PARD6G: variants seen among roughly 807,000 people sequenced by gnomAD.
PARD6G encodes partitioning defective 6 homolog gamma.
In PARD6G, 7 loss-of-function variants were observed where a neutral mutation model predicts 10.7. The observed-to-expected ratio is 0.66, with a 90% CI of 0.37 to 1.23. The LOEUF is 1.23. Among genes scored for constraint, PARD6G ranks in the 50% most tolerant of loss-of-function variants. The pLI is 0.02. For missense variants in PARD6G, 548 were observed against 571.8 expected, an observed-to-expected ratio of 0.96 and a Z score of 0.42; for synonymous variants, 287 against 269.4, an observed-to-expected ratio of 1.07 and a Z score of -0.64.
chr18:80,241,765 G>T (rs1162800580), intron 1 of PARD6G, among the ~76,000 whole-genome samples: 1 of 152,116 alleles, frequency 6.6e-6, no homozygotes, highest in Non-Finnish European at 1.5e-5. Context: ...AGAGGAAGTG[G>T]ATTTGACATG....
At chr18:80,186,142 T>C (rs2052875364) in intron 2 of PARD6G, among the ~76,000 whole-genome samples, 1 of 117,188 alleles carries the variant, frequency 8.5e-6, no homozygotes, top group Non-Finnish European at 1.7e-5. Context: ...GCGTATACCC[T>C]CACGCGGGCT....
intron 2 of PARD6G, among the ~76,000 whole-genome samples, chr18:80,167,679 G>A (rs1374180014): frequency 6.6e-6 from 1 of 152,088 alleles, no homozygotes; most frequent in African/African-American, 2.4e-5. Context: ...ACGTAGGGAG[G>A]ACGACCATGG....
chr18:80,159,468 T>C lies in PARD6G; in HGVS notation c.*303A>G, dbSNP rs1051469159. 3.3e-5 allele frequency: 10 copies of C among 300,150 alleles called. No individual in the cohort carries two copies. Among genetic ancestry groups the C allele is most frequent in the African/African-American group, 2.2e-4 (10 of 45,986 alleles). The allele number at this position is 300,150 out of a possible 1,614,324, so 18.6% of individuals were successfully genotyped here. ...AAGCTTCACTTTAAAAACAAAGTAT[T>C]TGTAAAAATTTTAAAAAGCATTTTT... On this transcript the variant is annotated 3_prime_UTR_variant, in exon 3 of 3. Coordinates refer to ENST00000353265, the MANE Select transcript of PARD6G (RefSeq NM_032510.4).
chr18:80,226,364 T>G (rs1967292773), intron 1 of PARD6G, among the ~76,000 whole-genome samples: 1 of 151,716 alleles, frequency 6.6e-6, no homozygotes, highest in Non-Finnish European at 1.5e-5. Flanking sequence ...GAGACGGGGG[T>G]TCCTCCATGT....
chr18:80,221,650 G>A (rs1179443975), intron 1 of PARD6G, among the ~76,000 whole-genome samples: 1 of 151,998 alleles, frequency 6.6e-6, no homozygotes, highest in Non-Finnish European at 1.5e-5. Context: ...AACAAAACAA[G>A]AATGTCTACT....
intron 2 of PARD6G, among the ~76,000 whole-genome samples, chr18:80,193,331 TTC>T (rs1568433871): frequency 1.3e-5 from 2 of 152,142 alleles, no homozygotes; most frequent in Non-Finnish European, 1.5e-5. Context: ...CAAGGGAAAA[TTC>T]TTTCATGCTT....
rs982281899 is a variant in PARD6G at position 80,180,999 on chromosome 18, T to A, written c.296-20393A>T. Reference sequence around the variant, plus strand: ...CAGTGCTGAGGGTAAGAACCCGGCCTCACACGCACGTTTCCAGCGGGCTGG... The same window carrying A: ...CAGTGCTGAGGGTAAGAACCCGGCCACACACGCACGTTTCCAGCGGGCTGG... On this transcript the variant is annotated intron_variant, in intron 2 of 2. Coordinates refer to ENST00000353265, the MANE Select transcript of PARD6G (RefSeq NM_032510.4). This position sits in a 1 kb window ranked among gnomAD's most constrained non-coding sequence, Gnocchi z 5.6. 1.3e-5 allele frequency among the ~76,000 whole-genome samples: 2 copies of A among 152,196 alleles called. No homozygotes were observed. The highest frequency in any genetic ancestry group is 2.9e-5 in the Non-Finnish European group (2 of 68,022).
rs1334511881 is a variant in PARD6G, at chr18:80,246,566, G to A, written c.72+711C>T. ...CTGAGCCGGGGGCGCGCCCGGGGGA[G>A]TGGGCTGGGTCTGGGGCGGGGGCGC... On this transcript the variant is annotated intron_variant, in intron 1 of 2. Transcript: ENST00000353265. The surrounding 1 kb of genome is among the most constrained non-coding windows in gnomAD (Gnocchi z 6.7). 6.8e-6 allele frequency among the ~76,000 whole-genome samples: 1 copy of A among 147,780 alleles called. No homozygotes were observed. Among genetic ancestry groups the A allele is most frequent in the African/African-American group, 2.5e-5 (1 of 40,062 alleles).
rs537501085 is a variant in PARD6G at position 80,157,407 on chromosome 18, G to A, written c.*2364C>T. On this transcript the variant is annotated 3_prime_UTR_variant, in exon 3 of 3. Coordinates refer to ENST00000353265, the MANE Select transcript of PARD6G (RefSeq NM_032510.4). ...TCTAAGCAGTAATTCCTAAAATTAT[G>A]AATAGCACACAAATCTCAGTGAAAG... The A allele has an allele frequency of 6.6e-6, 1 of 152,022 alleles. No individual in the cohort carries two copies. The highest frequency in any genetic ancestry group is 1.9e-4 in the East Asian group (1 of 5,178). The allele number at this position is 152,022 out of a possible 1,614,324, so 9.4% of individuals were successfully genotyped here. A position where few individuals can be genotyped will look rare whatever the true frequency, so the allele number is the denominator to read the frequency against.
At chr18:80,193,095 AC>A (rs1293982528) in intron 2 of PARD6G, among the ~76,000 whole-genome samples, 3 of 152,130 alleles carry the variant, frequency 2.0e-5, no homozygotes, top group Non-Finnish European at 4.4e-5. Context: ...TCGGAGACCC[AC>A]CTGAAGCCCA....
chr18:80,173,006 T>C (rs1175588516), intron 2 of PARD6G, among the ~76,000 whole-genome samples: 1 of 152,186 alleles, frequency 6.6e-6, no homozygotes, highest in Admixed American at 6.5e-5. Context: ...GAAACATAAA[T>C]GTCACCATAT....
At position 80,187,099 on chromosome 18, in the gene PARD6G, G is replaced by GA. The variant is rs1166529542; in HGVS notation, c.295+15610dup. On this transcript the variant is annotated intron_variant, in intron 2 of 2. Coordinates refer to ENST00000353265, the MANE Select transcript of PARD6G (RefSeq NM_032510.4). ...GGGACAGAGTAAGACTCTGTCTCAA[G>GA]AAAAAAAAAAAAAAGAGAAATCAAG... Among the ~76,000 whole-genome samples, 509 of 125,142 alleles carry GA rather than the reference G, an allele frequency of 4.1e-3. 2 individuals carry two copies. The highest frequency in any genetic ancestry group is 6.2e-3 in the African/African-American group (214 of 34,340). 82.1% of individuals were successfully genotyped at this position (125,142 alleles called of 152,430 possible). A position where few individuals can be genotyped will look rare whatever the true frequency, so the allele number is the denominator to read the frequency against.
intron 2 of PARD6G, among the ~76,000 whole-genome samples, chr18:80,177,019 G>A (rs1178840118): frequency 1.9e-5 from 2 of 103,246 alleles, no homozygotes; most frequent in South Asian, 3.5e-4. Context: ...ACGTGCGCGC[G>A]CGCGTGCACA....
chr18:80,194,596 C>G (rs1046955431), intron 2 of PARD6G, among the ~76,000 whole-genome samples: 2 of 152,110 alleles, frequency 1.3e-5, no homozygotes, highest in Non-Finnish European at 2.9e-5. Flanking sequence ...TTCACCCCCC[C>G]GAGATCTTAG....
chr18:80,197,884 C>T (rs925393891), intron 2 of PARD6G, among the ~76,000 whole-genome samples: 9 of 152,172 alleles, frequency 5.9e-5, no homozygotes, highest in African/African-American at 1.9e-4. Flanking sequence ...AACCTAAATA[C>T]GCAGACTCAA....
rs2145280193 is a variant in PARD6G, at chr18:80,201,729, T to C, written c.295+981A>G. On this transcript the variant is annotated intron_variant, in intron 2 of 2. Transcript: ENST00000353265. This position sits in a 1 kb window ranked among gnomAD's most constrained non-coding sequence, Gnocchi z 5.9. Reference sequence around the variant, plus strand: ...GGCAGCACGCTGCTCAGCATCACCCTCACAGAAACTGGATGGGGGTTACTA... The same window carrying C: ...GGCAGCACGCTGCTCAGCATCACCCCCACAGAAACTGGATGGGGGTTACTA... Among the ~76,000 whole-genome samples the C allele has an allele frequency of 6.6e-6, 1 of 152,346 alleles. No homozygotes were observed. The highest frequency in any genetic ancestry group is 1.9e-4 in the East Asian group (1 of 5,180).
chr18:80,165,060 A>G (rs1437976040), intron 2 of PARD6G, among the ~76,000 whole-genome samples: 2 of 152,234 alleles, frequency 1.3e-5, no homozygotes, highest in East Asian at 1.9e-4. Flanking sequence ...AAACATCTTC[A>G]ACAACAGAAA....
intron 1 of PARD6G, among the ~76,000 whole-genome samples, chr18:80,229,824 G>A (rs1231918092): frequency 6.6e-6 from 1 of 152,228 alleles, no homozygotes; most frequent in Non-Finnish European, 1.5e-5. Context: ...TTCATCCCAT[G>A]GCACAACCAA....
At chr18:80,205,545 T>C (rs953761368) in intron 1 of PARD6G, among the ~76,000 whole-genome samples, 2 of 152,198 alleles carry the variant, frequency 1.3e-5, no homozygotes, top group African/African-American at 4.8e-5. Context: ...GTGCTGTTCT[T>C]GTGATGGTGA....
Sources: gnomAD v4.1 joint callset for allele counts (sites outside exome capture counted in the v4.1 genomes callset) on GRCh38, gnomAD v4.1.1 for gene constraint, Gnocchi (gnomAD v3.1) non-coding constraint, MANE v1.5 for transcripts, NCBI Gene and HGNC (gene_info 2026-07-23, HGNC 2026-07-21) for gene names.